FHIT: variants seen among roughly 807,000 people sequenced by gnomAD.
FHIT encodes bis(5'-adenosyl)-triphosphatase.
FHIT carries 19 observed loss-of-function variants against 17.9 expected under a neutral mutation model. The ratio of observed to expected loss-of-function variants is 1.06; its 90% CI spans 0.74 to 1.56. The LOEUF is 1.56. Among genes scored for constraint, FHIT ranks in the 40% most tolerant of loss-of-function variants. The probability of loss-of-function intolerance (pLI) is 0.00; values close to 1 mark genes in which losing one functional copy is unlikely to be tolerated. For missense variants in FHIT, 248 were observed against 189.2 expected (o/e 1.31, Z -1.82); for synonymous variants, 81 against 69.7 (o/e 1.16, Z -0.81).
intron 4 of FHIT, among the ~76,000 whole-genome samples, chr3:60,819,079 T>C (rs1701839625): frequency 6.6e-6 from 1 of 151,350 alleles, no homozygotes; most frequent in Admixed American, 6.6e-5. Flanking sequence ...TACTTTATAG[T>C]TGATATCTGT....
At chr3:59,813,140 A>G (rs748416090) in intron 8 of FHIT, among the ~76,000 whole-genome samples, 11 of 152,218 alleles carry the variant, frequency 7.2e-5, no homozygotes, top group Admixed American at 2.0e-4. Flanking sequence ...AGTAATTACA[A>G]TTAATCATTA....
chr3:60,707,676 A>C (rs888089940), intron 4 of FHIT, among the ~76,000 whole-genome samples: 6 of 152,172 alleles, frequency 3.9e-5, no homozygotes, highest in African/African-American at 9.7e-5. Flanking sequence ...TTCCCTTTTG[A>C]ATGCCTCCTT....
chr3:59,843,255 C>T (rs1161059017), intron 8 of FHIT, among the ~76,000 whole-genome samples: 2 of 152,158 alleles, frequency 1.3e-5, no homozygotes, highest in Non-Finnish European at 2.9e-5. Context: ...ACTCCTCTAT[C>T]CTCTATTCTA....
intron 5 of FHIT, among the ~76,000 whole-genome samples, chr3:60,390,503 A>T (rs1701185055): frequency 6.6e-6 from 1 of 151,810 alleles, no homozygotes; most frequent in South Asian, 2.1e-4. Context: ...TTTATAAAAG[A>T]GAAATAAAAA....
chr3:60,786,483 C>T lies in FHIT; in HGVS notation c.-18+35436G>A, dbSNP rs115615847. On this transcript the variant is annotated intron_variant, in intron 4 of 9. Transcript: ENST00000492590. ...ATGCTAGCTCGGCTACTTAGCAATA[C>T]CTGTCCTCAAATAAGTTATTTCACC... Among the ~76,000 whole-genome samples, 911 of 152,288 alleles carry T rather than the reference C, an allele frequency of 6.0e-3. 13 individuals carry two copies. Among genetic ancestry groups the T allele is most frequent in the African/African-American group, 0.021 (854 of 41,546 alleles).
chr3:60,502,762 G>C (rs1261899558), intron 5 of FHIT, among the ~76,000 whole-genome samples: 1 of 152,116 alleles, frequency 6.6e-6, no homozygotes, highest in East Asian at 1.9e-4. Flanking sequence ...TATAGTAAAA[G>C]CCATTAAAAT....
intron 5 of FHIT, among the ~76,000 whole-genome samples, chr3:60,338,306 A>G (rs1424406264): frequency 2.0e-5 from 3 of 152,208 alleles, no homozygotes; most frequent in South Asian, 2.1e-4. Flanking sequence ...TTTCACAATC[A>G]TCTATACCAC....
rs1360823986 is a variant in FHIT, at chr3:61,056,418, T to C, written c.-163-14319A>G. Among the ~76,000 whole-genome samples, 3 of 152,192 alleles carry C rather than the reference T, an allele frequency of 2.0e-5. No homozygotes were observed. The East Asian group carries it at 5.8e-4, about 29-fold the overall frequency. ...TAAATAAACCTAAGTCCATTCTCAATGCAGCTTACATTCTAATTGTGGAGA... is the reference window on the plus strand; with the variant it reads ...TAAATAAACCTAAGTCCATTCTCAACGCAGCTTACATTCTAATTGTGGAGA... On this transcript the variant is annotated intron_variant, in intron 2 of 9. Transcript: ENST00000492590.
intron 4 of FHIT, among the ~76,000 whole-genome samples, chr3:60,704,110 A>T (rs782678468): frequency 1.3e-5 from 2 of 152,152 alleles, no homozygotes; most frequent in Non-Finnish European, 2.9e-5. Flanking sequence ...AGAAGACGAC[A>T]GTCTTCCAAG....
rs577591833 is a variant in FHIT at position 60,165,821 on chromosome 3, C to A, written c.104-151669G>T. ...AGAGTATAACGGGAAAAATACAGGTCCCACTACTGAGAGGTGTCCTCGGTG... is the reference window on the plus strand; with the variant it reads ...AGAGTATAACGGGAAAAATACAGGTACCACTACTGAGAGGTGTCCTCGGTG... On this transcript the variant is annotated intron_variant, in intron 5 of 9. Coordinates refer to ENST00000492590, the MANE Select transcript of FHIT (RefSeq NM_002012.4). Among the ~76,000 whole-genome samples the A allele has an allele frequency of 3.9e-5, 6 of 152,146 alleles. No homozygotes were observed. The East Asian group carries it at 1.2e-3, about 29-fold the overall frequency.
At chr3:59,934,761 G>A (rs569168572) in intron 7 of FHIT, among the ~76,000 whole-genome samples, 2 of 152,148 alleles carry the variant, frequency 1.3e-5, no homozygotes, top group East Asian at 1.9e-4. Flanking sequence ...CAGTGAAGGG[G>A]AATCCCCTTA....
chr3:60,730,481 T>C (rs6764043), intron 4 of FHIT: 125,373 of 203,104 alleles, frequency 0.62, 38,977 homozygotes, highest in East Asian at 0.81. Flanking sequence ...GTAATCTCCA[T>C]GTTGATGCCC....
At chr3:59,950,490 C>A (rs1162381150) in intron 7 of FHIT, among the ~76,000 whole-genome samples, 1 of 152,198 alleles carries the variant, frequency 6.6e-6, no homozygotes, top group East Asian at 1.9e-4. Flanking sequence ...ATCACTCACT[C>A]CCCTCTTATA....
chr3:60,354,106 G>A (rs905195598), intron 5 of FHIT, among the ~76,000 whole-genome samples: 1 of 152,054 alleles, frequency 6.6e-6, no homozygotes, highest in East Asian at 1.9e-4. Context: ...TGATACAATA[G>A]ACTCCTATGC....
chr3:60,436,010 T>C lies in FHIT; in HGVS notation c.103+100850A>G, dbSNP rs554357008. Among the ~76,000 whole-genome samples, 12 of 152,232 alleles carry C rather than the reference T, an allele frequency of 7.9e-5. No homozygotes were observed. The East Asian group carries it at 2.1e-3, about 27-fold the overall frequency. Reference sequence around the variant, plus strand: ...GATCTTGTTCTCTTTTATGGCTGCATAGTATTCCATGTGTATATGTACCAC... The same window carrying C: ...GATCTTGTTCTCTTTTATGGCTGCACAGTATTCCATGTGTATATGTACCAC... On this transcript the variant is annotated intron_variant, in intron 5 of 9. Coordinates refer to ENST00000492590, the MANE Select transcript of FHIT (RefSeq NM_002012.4).
intron 3 of FHIT, among the ~76,000 whole-genome samples, chr3:61,001,366 G>T (rs112550773): frequency 6.6e-6 from 1 of 152,134 alleles, no homozygotes; most frequent in Non-Finnish European, 1.5e-5. Flanking sequence ...ATGAATGTTC[G>T]TAGCAGCTTT....
chr3:60,259,684 GTTAA>G (rs1193151849), intron 5 of FHIT, among the ~76,000 whole-genome samples: 7 of 152,078 alleles, frequency 4.6e-5, no homozygotes, highest in African/African-American at 1.7e-4. Flanking sequence ...CCTCAGAGAG[GTTAA>G]TTAACTTGCC....
In FHIT at chr3:59,894,757, A is replaced by G. The variant is rs1703997588; in HGVS notation, c.348+27589T>C. On this transcript the variant is annotated intron_variant, in intron 8 of 9. Coordinates refer to ENST00000492590, the MANE Select transcript of FHIT (RefSeq NM_002012.4). ...TTTGGTACATTCTTGACTTAAAACA[A>G]TCACTTGGACTTCTCCAAACTTCCC... Among the ~76,000 whole-genome samples the G allele has an allele frequency of 2.0e-5, 3 of 152,220 alleles. No homozygotes were observed. In the South Asian group the frequency reaches 6.2e-4, roughly 32 times the overall value.
At chr3:60,700,759 A>G (rs907908732) in intron 4 of FHIT, among the ~76,000 whole-genome samples, 1 of 152,120 alleles carries the variant, frequency 6.6e-6, no homozygotes, top group Admixed American at 6.5e-5. Flanking sequence ...TTTGTCAACT[A>G]CTTGACTGGA....
Sources: gnomAD v4.1 joint callset for allele counts (sites outside exome capture counted in the v4.1 genomes callset) on GRCh38, gnomAD v4.1.1 for gene constraint, MANE v1.5 for transcripts, NCBI Gene and HGNC (gene_info 2026-07-23, HGNC 2026-07-21) for gene names.